The following DCAF8L2 variants were observed in gnomAD, a reference collection of about 807,000 sequenced individuals.
DCAF8L2 encodes the protein DDB1 and CUL4 associated factor 8 like 2.
For missense variants in DCAF8L2, 430 were observed against 490.7 expected, an observed-to-expected ratio of 0.88 and a Z score of 1.17; for synonymous variants, 200 against 190.9, an observed-to-expected ratio of 1.05 and a Z score of -0.39.
chrX:27,621,174 A>G lies in DCAF8L2; in HGVS notation c.-341-10705A>G, dbSNP rs767427846. 4.5e-3 allele frequency among the ~76,000 whole-genome samples: 497 copies of G among 111,334 alleles called. 1 individual carries two copies. Among genetic ancestry groups the G allele is most frequent in the Non-Finnish European group, 7.5e-3 (395 of 53,014 alleles). On this transcript the variant is annotated intron_variant, in intron 1 of 4. Transcript: ENST00000451261. ...TGCCAGAGGCTGGGGAGAGGGGAGA[A>G]TGGGGAGATATTTTTTAATGTGTGG... is the stretch of plus-strand genomic sequence containing the variant.
At chrX:27,595,272 T>G (rs1926299511) in intron 1 of DCAF8L2, among the ~76,000 whole-genome samples, 1 of 111,898 alleles carries the variant, frequency 8.9e-6, no homozygotes, top group African/African-American at 3.2e-5. Context: ...TTTCTGTCTA[T>G]TTTTTATTTC....
intron 1 of DCAF8L2, among the ~76,000 whole-genome samples, chrX:27,625,654 A>T (rs1398050077): frequency 8.9e-6 from 1 of 112,147 alleles, no homozygotes; most frequent in African/African-American, 3.2e-5. Flanking sequence ...TGTGGTACGT[A>T]TACACCGTGG....
intron 2 of DCAF8L2, among the ~76,000 whole-genome samples, chrX:27,661,951 T>C (rs73530662): frequency 0.058 from 6,487 of 111,769 alleles, 475 homozygotes; most frequent in African/African-American, 0.2. Context: ...ACTTAGTGTT[T>C]TTTTAGCTAA....
At chrX:27,743,170 C>A (rs1233516598) in intron 4 of DCAF8L2, among the ~76,000 whole-genome samples, 1 of 110,016 alleles carries the variant, frequency 9.1e-6, no homozygotes, top group African/African-American at 3.3e-5. Context: ...CAGCCTCGAT[C>A]TCCCAGGCCC....
chrX:27,709,769 A>G (rs1253179487), intron 3 of DCAF8L2, among the ~76,000 whole-genome samples: 1 of 110,638 alleles, frequency 9.0e-6, no homozygotes, highest in African/African-American at 3.3e-5. Context: ...TTGTCTGTGG[A>G]CTGTTTCTGT....
At chrX:27,484,195 G>A in the DCAF8L2 span, among the ~76,000 whole-genome samples, 1 of 111,703 alleles carries the variant, frequency 9.0e-6, no homozygotes, top group African/African-American at 3.2e-5. Context: ...CAAAAATGCT[G>A]ATAGATATAG....
chrX:27,634,983 C>CACACACACACACAT (rs752185455), intron 2 of DCAF8L2, among the ~76,000 whole-genome samples: 25 of 99,190 alleles, frequency 2.5e-4, no homozygotes, highest in African/African-American at 8.2e-4. Flanking sequence ...CACACACACA[C>CACACACACACACAT]ATATATAGAG....
At chrX:27,608,533 T>C (rs1486267607) in intron 1 of DCAF8L2, among the ~76,000 whole-genome samples, 1 of 111,646 alleles carries the variant, frequency 9.0e-6, no homozygotes, top group Non-Finnish European at 1.9e-5. Flanking sequence ...CAACAATGCA[T>C]ATTTACAGAA....
chrX:27,692,905 C>T (rs1447961918), intron 3 of DCAF8L2, among the ~76,000 whole-genome samples: 1 of 111,008 alleles, frequency 9.0e-6, no homozygotes, highest in Non-Finnish European at 1.9e-5. Context: ...AGCTATATGG[C>T]CCCAAATGTT....
the DCAF8L2 span, among the ~76,000 whole-genome samples, chrX:27,562,842 TCTTA>T: frequency 1.8e-5 from 2 of 112,419 alleles, no homozygotes; most frequent in Admixed American, 1.9e-4. Context: ...TAGTCTGTCT[TCTTA>T]CTTCTCTCTC....
the DCAF8L2 span, among the ~76,000 whole-genome samples, chrX:27,508,656 A>G: frequency 2.9e-5 from 3 of 104,263 alleles, no homozygotes; most frequent in African/African-American, 7.0e-5. Flanking sequence ...GGGTCTGAAT[A>G]TTTTGACTTG....
chrX:27,650,276 G>A (rs766571828), intron 2 of DCAF8L2, among the ~76,000 whole-genome samples: 1 of 111,623 alleles, frequency 9.0e-6, no homozygotes, highest in Non-Finnish European at 1.9e-5. Flanking sequence ...TTGGCTATTA[G>A]GGCTCTTTTA....
upstream of DCAF8L2, chrX:27,590,276 T>C (rs1263495439): frequency 1.8e-5 from 2 of 111,453 alleles, no homozygotes; most frequent in Non-Finnish European, 3.8e-5. Context: ...TTGGATACTT[T>C]ACTTGCTTAC....
chrX:27,582,643 T>C, the DCAF8L2 span, among the ~76,000 whole-genome samples: 1 of 111,610 alleles, frequency 9.0e-6, no homozygotes, highest in Non-Finnish European at 1.9e-5. Flanking sequence ...TCAACATTTC[T>C]TATGAATACT....
At chrX:27,480,872 T>A in the DCAF8L2 span, among the ~76,000 whole-genome samples, 19 of 111,896 alleles carry the variant, frequency 1.7e-4, no homozygotes, top group Admixed American at 1.7e-3. Context: ...CTCGAAGATG[T>A]TAGATTTGAG....
chrX:27,556,384 G>T, the DCAF8L2 span, among the ~76,000 whole-genome samples: 2,348 of 110,812 alleles, frequency 0.021, 52 homozygotes, highest in African/African-American at 0.073. Context: ...TGTAATGTGC[G>T]ATATAAACAC....
intron 1 of DCAF8L2, among the ~76,000 whole-genome samples, chrX:27,603,181 T>C (rs972459656): frequency 5.4e-5 from 6 of 112,015 alleles, no homozygotes; most frequent in African/African-American, 1.9e-4. Context: ...TAACTTTTTA[T>C]GTTATCATCA....
the DCAF8L2 span, among the ~76,000 whole-genome samples, chrX:27,524,517 G>T: frequency 2.4e-4 from 27 of 110,592 alleles, no homozygotes; most frequent in Non-Finnish European, 5.7e-5. Context: ...GGTTTTTTGT[G>T]TCTCTATCTC....
At chrX:27,728,342 T>C (rs1031429770) in intron 4 of DCAF8L2, among the ~76,000 whole-genome samples, 1 of 111,114 alleles carries the variant, frequency 9.0e-6, no homozygotes, top group Non-Finnish European at 1.9e-5. Context: ...TTGTTGTTGT[T>C]TTGCTTTCCT....
Sources: allele counts gnomAD v4.1 joint callset (sites outside exome capture counted in the v4.1 genomes callset), GRCh38; gene constraint gnomAD v4.1.1; transcripts MANE v1.5; gene names NCBI Gene and HGNC (gene_info 2026-07-23, HGNC 2026-07-21).